NXPE4: variants seen among roughly 807,000 people sequenced by gnomAD.
NXPE4 encodes the protein neurexophilin and PC-esterase domain family member 4.
A neutral mutation model predicts 33.3 loss-of-function variants in NXPE4; 42 were observed. The ratio of observed to expected loss-of-function variants is 1.26; its 90% CI spans 0.98 to 1.63. The LOEUF (loss-of-function observed/expected upper bound fraction) is 1.63, where lower values mean the gene tolerates loss of function less well. Among genes scored for constraint, NXPE4 ranks in the 40% most tolerant of loss-of-function variants. The pLI is 0.00. For synonymous variants in NXPE4, 253 were observed against 234.9 expected (o/e 1.08, Z -0.71); for missense variants, 709 against 647.6 (o/e 1.09, Z -1.03).
the NXPE4 span, among the ~76,000 whole-genome samples, chr11:114,653,168 T>C: frequency 6.6e-6 from 1 of 152,334 alleles, no homozygotes; most frequent in East Asian, 1.9e-4. Flanking sequence ...GTTATAAAAG[T>C]ATCTGGAGAA....
the NXPE4 span, among the ~76,000 whole-genome samples, chr11:114,641,239 A>G: frequency 1.4e-4 from 21 of 152,140 alleles, no homozygotes; most frequent in Non-Finnish European, 1.9e-4. Context: ...AAGTTTAAAA[A>G]TATGGAGGAA....
chr11:114,575,022 G>A (rs927370881), intron 5 of NXPE4, among the ~76,000 whole-genome samples: 4 of 152,164 alleles, frequency 2.6e-5, no homozygotes, highest in East Asian at 1.9e-4. Flanking sequence ...TACCAGGGAC[G>A]CAGGGATGGC....
the NXPE4 span, among the ~76,000 whole-genome samples, chr11:114,677,463 CAT>C: frequency 3.9e-5 from 6 of 152,036 alleles, no homozygotes; most frequent in Non-Finnish European, 7.4e-5. Context: ...TTATAACTGT[CAT>C]AACACTGCAG....
the NXPE4 span, among the ~76,000 whole-genome samples, chr11:114,648,618 C>T: frequency 4.6e-5 from 7 of 152,152 alleles, no homozygotes; most frequent in East Asian, 1.9e-4. Flanking sequence ...AATTAATCAT[C>T]GTGTCTACAC....
the NXPE4 span, among the ~76,000 whole-genome samples, chr11:114,617,735 G>T: frequency 1.3e-5 from 2 of 152,090 alleles, no homozygotes; most frequent in East Asian, 1.9e-4. Flanking sequence ...AATAAGTATT[G>T]CCTCCTTGGT....
the NXPE4 span, among the ~76,000 whole-genome samples, chr11:114,609,373 C>G: frequency 6.6e-6 from 1 of 151,688 alleles, no homozygotes; most frequent in African/African-American, 2.4e-5. Flanking sequence ...CACCGTTACC[C>G]GGTGGATAAT....
At chr11:114,614,499 G>C in the NXPE4 span, among the ~76,000 whole-genome samples, 2 of 151,118 alleles carry the variant, frequency 1.3e-5, no homozygotes, top group Non-Finnish European at 3.0e-5. Flanking sequence ...ACAGTTACCC[G>C]GTGGATAATA....
chr11:114,631,963 C>T, the NXPE4 span, among the ~76,000 whole-genome samples: 24,452 of 149,710 alleles, frequency 0.16, 2,601 homozygotes, highest in Non-Finnish European at 0.22. Flanking sequence ...ACTACTATTA[C>T]GTACTGGATA....
In NXPE4 at chr11:114,581,786, C is replaced by T; in HGVS notation, c.831G>A (p.Arg277=). ...CCATAATCTCTACACCCACATTTGA[C>T]CTTAAAGACACAAATACAGAAATTA... The part of the protein sequence containing the change: ...LSKQEKSLFE[R]SNVGVEIMEK... Residue 277 remains arginine (R), a splice_region_variant and synonymous_variant, in exon 4 of 6, where the codon AGG becomes AGA. Transcript: ENST00000375478. 6.2e-7 allele frequency: 1 copy of T among 1,603,682 alleles called. No individual in the cohort carries two copies. Among genetic ancestry groups the T allele is most frequent in the South Asian group, 1.1e-5 (1 of 89,570 alleles).
At chr11:114,632,733 ATATATAAAATAT>A in the NXPE4 span, among the ~76,000 whole-genome samples, 2 of 59,650 alleles carry the variant, frequency 3.4e-5, no homozygotes, top group Non-Finnish European at 5.9e-5. Flanking sequence ...AATATATAAT[ATATATAAAATAT>A]ATTATAATAT....
chr11:114,578,503 T>A (rs948530135), intron 5 of NXPE4, among the ~76,000 whole-genome samples: 1 of 152,292 alleles, frequency 6.6e-6, no homozygotes, highest in East Asian at 1.9e-4. Flanking sequence ...AGGAGTTTAG[T>A]CATTTACCAG....
the NXPE4 span, among the ~76,000 whole-genome samples, chr11:114,670,054 C>A: frequency 3.3e-5 from 5 of 151,980 alleles, no homozygotes; most frequent in African/African-American, 1.2e-4. Flanking sequence ...AGGTAGAGCC[C>A]TATAGAATTA....
At chr11:114,633,456 C>CT in the NXPE4 span, among the ~76,000 whole-genome samples, 2 of 143,456 alleles carry the variant, frequency 1.4e-5, no homozygotes, top group Admixed American at 7.2e-5. Flanking sequence ...TATATTTTTT[C>CT]TTTTTTTTAT....
the NXPE4 span, among the ~76,000 whole-genome samples, chr11:114,626,312 C>G: frequency 6.6e-6 from 1 of 152,218 alleles, no homozygotes; most frequent in African/African-American, 2.4e-5. Flanking sequence ...GTTCTCCTAG[C>G]ACACAGCTGG....
At chr11:114,634,202 T>A in the NXPE4 span, among the ~76,000 whole-genome samples, 3 of 151,996 alleles carry the variant, frequency 2.0e-5, no homozygotes, top group African/African-American at 7.2e-5. Context: ...TTTGCATTTC[T>A]CTGATGGCCA....
the NXPE4 span, among the ~76,000 whole-genome samples, chr11:114,634,119 C>T: frequency 6.6e-6 from 1 of 151,576 alleles, no homozygotes; most frequent in East Asian, 1.9e-4. Flanking sequence ...TCCTCTCCAG[C>T]ACCTGTTGTT....
At chr11:114,632,072 G>C in the NXPE4 span, among the ~76,000 whole-genome samples, 2 of 130,986 alleles carry the variant, frequency 1.5e-5, no homozygotes, top group Non-Finnish European at 1.6e-5. Flanking sequence ...GAATTGTATA[G>C]TATAATATTA....
the NXPE4 span, among the ~76,000 whole-genome samples, chr11:114,677,117 A>G: frequency 1.2e-3 from 189 of 152,162 alleles, no homozygotes; most frequent in African/African-American, 4.3e-3. Context: ...GGGTCTGGTC[A>G]GGGAGAGGGG....
chr11:114,627,054 G>A, the NXPE4 span, among the ~76,000 whole-genome samples: 1 of 152,098 alleles, frequency 6.6e-6, no homozygotes, highest in African/African-American at 2.4e-5. Context: ...TTGTGTACCT[G>A]AAAGTGACGG....
Sources: gnomAD v4.1 joint callset for allele counts (sites outside exome capture counted in the v4.1 genomes callset) on GRCh38, gnomAD v4.1.1 for gene constraint, MANE v1.5 for transcripts, NCBI Gene and HGNC (gene_info 2026-07-23, HGNC 2026-07-21) for gene names.